Variants in TSFM observed in about 807,000 individuals in gnomAD.
TSFM encodes elongation factor Ts, mitochondrial.
TSFM carries 29 observed loss-of-function variants against 33.4 expected under a neutral mutation model. That is an observed-to-expected ratio of 0.87 (90% confidence interval 0.65 to 1.18). The LOEUF is 1.18. Among genes scored for constraint, TSFM ranks in the 50% most tolerant of loss-of-function variants. TSFM has a pLI of 0.00. For missense variants in TSFM, 394 were observed against 395.6 expected (o/e 1.00, Z 0.04); for synonymous variants, 178 against 163.5 (o/e 1.09, Z -0.68).
chr12:57,786,312 G>T, intron 3 of TSFM, 21 bp downstream of exon 3: 3 of 1,606,848 alleles, frequency 1.9e-6, no homozygotes, highest in East Asian at 2.2e-5. Flanking sequence ...GGAAATTCCA[G>T]ATACCAAGAA....
chr12:57,788,730 G>A (rs1042971056), intron 4 of TSFM, among the ~76,000 whole-genome samples: 1 of 152,034 alleles, frequency 6.6e-6, no homozygotes, highest in South Asian at 2.1e-4. Flanking sequence ...AAATTCCTGG[G>A]CTCAAGTGAT....
At chr12:57,799,688 T>C (rs2140434994), downstream of TSFM, 4 of 1,493,312 alleles carry the variant, frequency 2.7e-6, no homozygotes, top group East Asian at 2.3e-5. Flanking sequence ...CAGATGTCCA[T>C]TGAGCGGCTA....
chr12:57,802,853 A>G, downstream of TSFM: 1 of 557,268 alleles, frequency 1.8e-6, no homozygotes, highest in Non-Finnish European at 3.1e-6. Flanking sequence ...TCCCTACTCC[A>G]CTGCCCTTAT....
chr12:57,797,606 TG>T (rs1170472454), downstream of TSFM: 5 of 931,772 alleles, frequency 5.4e-6, no homozygotes, highest in Non-Finnish European at 6.5e-6. Flanking sequence ...CTCTTTCTTT[TG>T]ATTTCTCCAG....
At chr12:57,785,306 T>C (rs1205292646) in intron 2 of TSFM, among the ~76,000 whole-genome samples, 2 of 151,934 alleles carry the variant, frequency 1.3e-5, no homozygotes, top group African/African-American at 4.8e-5. Flanking sequence ...TACACAGGAG[T>C]GGCATCATCA....
At position 57,796,902 on chromosome 12, in the gene TSFM, T is replaced by TATG. The variant is rs769792252; in HGVS notation, c.*321_*323dup. On this transcript the variant is annotated 3_prime_UTR_variant, in exon 6 of 6. Transcript: ENST00000652027. ...CTTATATGTTCTGTCTTACACCTTT[T>TATG]ATGACATAGAACTCTTTTGTTCTGT... 6.8e-5 allele frequency: 69 copies of TATG among 1,016,752 alleles called. No homozygotes were observed. Among genetic ancestry groups the TATG allele is most frequent in the Non-Finnish European group, 7.9e-5 (67 of 851,608 alleles). 63.0% of individuals were successfully genotyped at this position (1,016,752 alleles called of 1,614,324 possible). A position where few individuals can be genotyped will look rare whatever the true frequency, so the allele number is the denominator to read the frequency against.
downstream of TSFM, chr12:57,802,227 A>G (rs755093577): frequency 6.2e-7 from 1 of 1,614,148 alleles, no homozygotes; most frequent in Non-Finnish European, 8.5e-7. Context: ...CCCCTGCTTA[A>G]TGATCAGGAT....
intron 4 of TSFM, chr12:57,791,872 C>G (rs990525945): frequency 1.5e-5 from 4 of 274,934 alleles, no homozygotes; most frequent in African/African-American, 9.1e-5. Context: ...CAACTTCACA[C>G]CATTGGATTT....
At chr12:57,785,693 A>G (rs1955581614) in intron 2 of TSFM, among the ~76,000 whole-genome samples, 1 of 152,216 alleles carries the variant, frequency 6.6e-6, no homozygotes, top group South Asian at 2.1e-4. Flanking sequence ...TTCAAGTATC[A>G]TGTACTATAT....
chr12:57,789,391 G>A, intron 4 of TSFM, among the ~76,000 whole-genome samples: 1 of 152,090 alleles, frequency 6.6e-6, no homozygotes, highest in Non-Finnish European at 1.5e-5. Context: ...ATCACATTTA[G>A]GATTTTTTTT....
intron 4 of TSFM, 25 bp from the exon 5 acceptor site, chr12:57,792,961 A>C: frequency 6.2e-7 from 1 of 1,604,974 alleles, no homozygotes; most frequent in Non-Finnish European, 8.5e-7. Flanking sequence ...GAATCAGTTC[A>C]TGTTTGTTTT....
At chr12:57,797,660 G>A (rs1955763452), downstream of TSFM, 1 of 818,472 alleles carries the variant, frequency 1.2e-6, no homozygotes, top group Non-Finnish European at 1.5e-6. Flanking sequence ...TTTAGCTAGA[G>A]GGCCACAAAA....
downstream of TSFM, chr12:57,799,959 C>T (rs1255446717): frequency 6.2e-7 from 1 of 1,611,488 alleles, no homozygotes; most frequent in Admixed American, 1.7e-5. Flanking sequence ...GAAAAGACTC[C>T]TCAGTGTCTG....
downstream of TSFM, chr12:57,802,452 C>G: frequency 7.3e-7 from 1 of 1,361,590 alleles, no homozygotes; most frequent in Non-Finnish European, 1.0e-6. Flanking sequence ...GTGAGCAATT[C>G]ACAGCCTCAG....
Position 57,783,021 on chromosome 12 carries a change from G to T in TSFM, c.58-89G>T, listed in dbSNP as rs1955533612. ...GTGCACCCCCCTTTGCACACTGTCC[G>T]CTCCCTAAGGTCGCTTCCCTGCCCG... is the stretch of plus-strand genomic sequence containing the variant. On this transcript the variant is annotated intron_variant, in intron 1 of 5. Transcript: ENST00000652027. The T allele has an allele frequency of 5.9e-6, 9 of 1,515,840 alleles. No homozygotes were observed. The South Asian group carries it at 1.1e-4, about 19-fold the overall frequency. The allele number at this position is 1,515,840 out of a possible 1,614,324, so 93.9% of individuals were successfully genotyped here.
chr12:57,790,151 C>T (rs1955643948), intron 4 of TSFM, among the ~76,000 whole-genome samples: 1 of 147,658 alleles, frequency 6.8e-6, no homozygotes, highest in Non-Finnish European at 1.5e-5. Flanking sequence ...GCTACCTCTG[C>T]CTCCTGGGTC....
chr12:57,801,825 C>G (rs768925581), downstream of TSFM, among the ~76,000 whole-genome samples: 81 of 152,262 alleles, frequency 5.3e-4, 1 homozygote, highest in Middle Eastern at 3.4e-3. Context: ...ATGACTTATC[C>G]TCTTAGCTTC....
At chr12:57,789,646 G>A (rs762353492) in intron 4 of TSFM, among the ~76,000 whole-genome samples, 7 of 152,206 alleles carry the variant, frequency 4.6e-5, no homozygotes, top group Non-Finnish European at 7.3e-5. Flanking sequence ...GATTACAGGC[G>A]TGAGCCACCG....
chr12:57,782,924 C>G, intron 1 of TSFM, 66 bp downstream of exon 1: 1 of 1,522,966 alleles, frequency 6.6e-7, no homozygotes, highest in South Asian at 1.2e-5. Context: ...CTGTACCTTT[C>G]CCTTCCTCCC....
Sources: gnomAD v4.1 joint callset for allele counts (sites outside exome capture counted in the v4.1 genomes callset) on GRCh38, gnomAD v4.1.1 for gene constraint, MANE v1.5 for transcripts, NCBI Gene and HGNC (gene_info 2026-07-23, HGNC 2026-07-21) for gene names.